TNN: variants seen among roughly 807,000 people sequenced by gnomAD.
TNN encodes the protein tenascin-N.
TNN carries 122 observed loss-of-function variants against 134.4 expected under a neutral mutation model. The observed-to-expected ratio is 0.91, with a 90% CI of 0.78 to 1.06. The LOEUF is 1.06. Among genes scored for constraint, TNN ranks in the 50% least tolerant of loss-of-function variants. TNN has a pLI of 0.00. For synonymous variants in TNN, 710 were observed against 670.3 expected (o/e 1.06, Z -0.91); for missense variants, 1,739 against 1,699.4 (o/e 1.02, Z -0.41).
At chr1:175,119,748 C>T (rs1419508399) in intron 11 of TNN, among the ~76,000 whole-genome samples, 1 of 151,454 alleles carries the variant, frequency 6.6e-6, no homozygotes, top group Non-Finnish European at 1.5e-5. Flanking sequence ...CATTCTCCTG[C>T]CTCAGCCTCC....
At chr1:175,116,616 A>G (rs559690001) in intron 9 of TNN, among the ~76,000 whole-genome samples, 17 of 152,330 alleles carry the variant, frequency 1.1e-4, no homozygotes, top group Admixed American at 3.9e-4. Context: ...CGGAGCCACA[A>G]CTGGCAGATG....
intron 18 of TNN, among the ~76,000 whole-genome samples, chr1:175,146,330 C>T (rs1297757780): frequency 1.3e-5 from 2 of 152,162 alleles, no homozygotes; most frequent in Non-Finnish European, 2.9e-5. Context: ...TTATTTACCT[C>T]ACAAATTAAA....
intron 11 of TNN, among the ~76,000 whole-genome samples, chr1:175,121,093 T>C (rs567474031): frequency 6.6e-6 from 1 of 152,350 alleles, no homozygotes; most frequent in East Asian, 1.9e-4. Context: ...TAAATTTTAA[T>C]TAATTAAAAA....
At chr1:175,102,642 G>A (rs1313567349) in intron 9 of TNN, among the ~76,000 whole-genome samples, 6 of 145,720 alleles carry the variant, frequency 4.1e-5, no homozygotes, top group Admixed American at 2.1e-4. Context: ...CAGCTGGCCC[G>A]CAAGCACCAT....
At chr1:175,134,498 T>C (rs1574176958) in intron 15 of TNN, among the ~76,000 whole-genome samples, 1 of 148,794 alleles carries the variant, frequency 6.7e-6, no homozygotes, top group African/African-American at 2.5e-5. Context: ...TAAGCCAAGA[T>C]CACACCACTG....
At chr1:175,070,417 G>A (rs1483969909) in intron 1 of TNN, among the ~76,000 whole-genome samples, 1 of 152,156 alleles carries the variant, frequency 6.6e-6, no homozygotes, top group South Asian at 2.1e-4. Flanking sequence ...GCCTCAGGCG[G>A]GTGGGCAGAC....
intron 11 of TNN, among the ~76,000 whole-genome samples, chr1:175,119,206 C>T (rs997701688): frequency 6.6e-6 from 1 of 152,168 alleles, no homozygotes; most frequent in Non-Finnish European, 1.5e-5. Flanking sequence ...TTGTGGTTGT[C>T]CATTTTTATG....
In TNN at chr1:175,111,532, AG is replaced by A. The variant is rs1318375104; in HGVS notation, c.2120-5406del. On this transcript the variant is annotated intron_variant, in intron 9 of 18. Coordinates refer to ENST00000239462, the MANE Select transcript of TNN (RefSeq NM_022093.2). ...AAAAAAAAAAGAATTGTTTTTCTAA[AG>A]AATGTCATTGATATTTTGATACAGA... Among the ~76,000 whole-genome samples the A allele has an allele frequency of 4.0e-5, 6 of 151,238 alleles. No homozygotes were observed. In the East Asian group the frequency reaches 1.2e-3, roughly 29 times the overall value.
In TNN at chr1:175,083,872, C is replaced by G; in HGVS notation, c.1171C>G (p.Gln391Glu). 1.2e-6 allele frequency: 2 copies of G among 1,614,160 alleles called. No homozygotes were observed. Among genetic ancestry groups the G allele is most frequent in the Non-Finnish European group, 1.7e-6 (2 of 1,180,034 alleles). ...GCTGCGATATGGCCCCATGACAGGA[C>G]AGGAGGTAGCTGAGGTCACTGTGCC... The part of the protein sequence containing the change: ...YKLRYGPMTG[Q>E]EVAEVTVPKS... The change falls in exon 5 of 19, where the codon CAG becomes GAG. Residue 391 changes from glutamine (Q) to glutamate (E), a missense_variant. Transcript: ENST00000239462.
chr1:175,079,149 A>G (rs1674125737), intron 2 of TNN, among the ~76,000 whole-genome samples, 184 bp from the exon 3 acceptor site: 1 of 152,174 alleles, frequency 6.6e-6, no homozygotes, highest in South Asian at 2.1e-4. Context: ...GGAAAGGGCC[A>G]ACACCTTTTC....
chr1:175,118,637 G>A lies in TNN; in HGVS notation c.2463G>A (p.Gln821=). 2.5e-6 allele frequency: 4 copies of A among 1,614,198 alleles called. No homozygotes were observed. The highest frequency in any genetic ancestry group is 3.4e-6 in the Non-Finnish European group (4 of 1,180,038). ...NTATVSWDPV[Q]ATIDRYVVHY... ...CCACTGTCTCCTGGGACCCGGTGCA[G>A]GCCACCATTGACAGGTATGTGGTGC... Residue 821 remains glutamine (Q), a synonymous_variant, in exon 11 of 19, where the codon CAG becomes CAA. Transcript: ENST00000239462.
At chr1:175,093,588 G>A (rs1033701245) in intron 6 of TNN, among the ~76,000 whole-genome samples, 3 of 152,158 alleles carry the variant, frequency 2.0e-5, no homozygotes, top group Admixed American at 6.5e-5. Flanking sequence ...AATGAACAGG[G>A]GAGGTGATGT....
At chr1:175,145,551 T>TCAAAAA (rs1676042437) in intron 18 of TNN, among the ~76,000 whole-genome samples, 1 of 3,804 alleles carries the variant, frequency 2.6e-4, no homozygotes, top group African/African-American at 9.2e-4. Context: ...AGACCCTGTC[T>TCAAAAA]CAAAAAAAAA....
At chr1:175,082,973 G>A (rs1476411664) in intron 4 of TNN, among the ~76,000 whole-genome samples, 1 of 149,032 alleles carries the variant, frequency 6.7e-6, no homozygotes, top group Non-Finnish European at 1.5e-5. Flanking sequence ...ATTAATCACT[G>A]TAACTTCATG....
Position 175,136,865 on chromosome 1 carries a change from T to C in TNN, c.3472T>C (p.Tyr1158His). 6.2e-7 allele frequency: 1 copy of C among 1,614,100 alleles called. No individual in the cohort carries two copies. The highest frequency in any genetic ancestry group is 1.1e-5 in the South Asian group (1 of 91,076). ...CCTCACCACCGGCACTCCAGCGCGG[T>C]ATGAGGTGAGAGTGGATTTACAGAC... Reference protein sequence around the residue: ...HNLTTGTPARYEVRVDLQTAN... With the variant: ...HNLTTGTPARHEVRVDLQTAN... Residue 1158 changes from tyrosine (Y) to histidine (H), a missense_variant, in exon 17 of 19, where the codon TAT becomes CAT. Physicochemically the swap from Tyr to His is moderately conservative, Grantham distance 83 (BLOSUM62 2). Transcript: ENST00000239462.
At chr1:175,105,359 G>C (rs563695637) in intron 9 of TNN, among the ~76,000 whole-genome samples, 1 of 145,546 alleles carries the variant, frequency 6.9e-6, no homozygotes, top group Non-Finnish European at 1.5e-5. Flanking sequence ...CCGATAGCCC[G>C]GGGGTTTTTG....
intron 2 of TNN, among the ~76,000 whole-genome samples, chr1:175,078,503 A>G (rs1674107868): frequency 6.6e-6 from 1 of 152,214 alleles, no homozygotes; most frequent in African/African-American, 2.4e-5. Flanking sequence ...AATGAACAGT[A>G]CTTTGGCATA....
At chr1:175,115,621 G>T (rs1271452873) in intron 9 of TNN, among the ~76,000 whole-genome samples, 1 of 152,046 alleles carries the variant, frequency 6.6e-6, no homozygotes, top group African/African-American at 2.4e-5. Context: ...GGGGTGAATG[G>T]CTACTCACCC....
At position 175,079,385 on chromosome 1, in the gene TNN, C is replaced by G. The variant is rs1463730472; in HGVS notation, c.462C>G (p.Ser154Arg). 4.4e-6 allele frequency: 7 copies of G among 1,599,670 alleles called. No individual in the cohort carries two copies. Among genetic ancestry groups the G allele is most frequent in the Non-Finnish European group, 5.1e-6 (6 of 1,177,016 alleles). ...GGACCTTCTCCCTGGAGACCTGCAGCTGCCACTGCGAAGAGGGCAGGGAGG... is the reference window on the plus strand; with the variant it reads ...GGACCTTCTCCCTGGAGACCTGCAGGTGCCACTGCGAAGAGGGCAGGGAGG... ...GHGTFSLETC[S>R]CHCEEGREGP... is the part of the protein sequence containing the mutation. Residue 154 changes from serine to arginine, a missense_variant, in exon 3 of 19, where the codon AGC becomes AGG. Physicochemically the swap from Ser to Arg is moderately radical, Grantham distance 110. Coordinates refer to ENST00000239462, the MANE Select transcript of TNN (RefSeq NM_022093.2).
Sources: allele counts gnomAD v4.1 joint callset (sites outside exome capture counted in the v4.1 genomes callset), GRCh38; gene constraint gnomAD v4.1.1; transcripts MANE v1.5; gene names NCBI Gene and HGNC (gene_info 2026-07-23, HGNC 2026-07-21).